NFIL3: variants seen among roughly 807,000 people sequenced by gnomAD.
The protein encoded by NFIL3 is nuclear factor, interleukin 3 regulated, also known as nuclear factor interleukin-3-regulated protein.
In NFIL3, 5 loss-of-function variants were observed where a neutral mutation model predicts 10.0. That is an observed-to-expected ratio of 0.50 (90% CI 0.26 to 1.06). The LOEUF (loss-of-function observed/expected upper bound fraction) is 1.06. Among genes scored for constraint, NFIL3 ranks in the 50% least tolerant of loss-of-function variants. The pLI is 0.13. For synonymous variants in NFIL3, 202 were observed against 206.5 expected (o/e 0.98, Z 0.19); for missense variants, 436 against 547.6 (o/e 0.80, Z 2.03).
the NFIL3 span, among the ~76,000 whole-genome samples, chr9:91,479,895 G>T: frequency 2.0e-5 from 3 of 152,150 alleles, no homozygotes; most frequent in East Asian, 5.8e-4. Context: ...GGCTTCCCTT[G>T]GTTAGGGGAG....
chr9:91,441,431 A>G, the NFIL3 span, among the ~76,000 whole-genome samples: 1 of 152,122 alleles, frequency 6.6e-6, no homozygotes, highest in Non-Finnish European at 1.5e-5. Flanking sequence ...TAGGAAGCAT[A>G]TAGTTGGATC....
At chr9:91,460,268 G>GTTTTTTTTTTTTT in the NFIL3 span, among the ~76,000 whole-genome samples, 4 of 77,092 alleles carry the variant, frequency 5.2e-5, no homozygotes, top group African/African-American at 5.4e-4. Flanking sequence ...GGAGGGCTTG[G>GTTTTTTTTTTTTT]TTCTTTTTTT....
At chr9:91,429,277 A>G in the NFIL3 span, among the ~76,000 whole-genome samples, 1 of 152,128 alleles carries the variant, frequency 6.6e-6, no homozygotes, top group Non-Finnish European at 1.5e-5. Flanking sequence ...CAAGGGGATC[A>G]TTTCACCTCT....
the NFIL3 span, among the ~76,000 whole-genome samples, chr9:91,462,877 G>T: frequency 6.6e-6 from 1 of 151,410 alleles, no homozygotes; most frequent in Non-Finnish European, 1.5e-5. Flanking sequence ...TTGCTTAATG[G>T]ACATAAAATA....
the NFIL3 span, among the ~76,000 whole-genome samples, chr9:91,456,637 G>A: frequency 6.6e-6 from 1 of 152,022 alleles, no homozygotes; most frequent in South Asian, 2.1e-4. Context: ...TTTTTTCTCA[G>A]TGTATGGCTA....
chr9:91,481,396 C>CTTAT, the NFIL3 span, among the ~76,000 whole-genome samples: 1 of 152,042 alleles, frequency 6.6e-6, no homozygotes, highest in Admixed American at 6.5e-5. Context: ...GCCGTGTAAC[C>CTTAT]TTATTTTTCA....
the NFIL3 span, among the ~76,000 whole-genome samples, chr9:91,455,251 A>T: frequency 1.3e-5 from 2 of 152,170 alleles, no homozygotes; most frequent in Non-Finnish European, 2.9e-5. Flanking sequence ...TTGCTCACCA[A>T]TTTTAGCACC....
the NFIL3 span, among the ~76,000 whole-genome samples, chr9:91,469,524 C>A: frequency 8.5e-5 from 13 of 152,268 alleles, no homozygotes; most frequent in East Asian, 2.1e-3. Context: ...CCCTTTATTT[C>A]TTTCTCCTGC....
chr9:91,474,844 C>A, the NFIL3 span, among the ~76,000 whole-genome samples: 1 of 152,168 alleles, frequency 6.6e-6, no homozygotes, highest in South Asian at 2.1e-4. Flanking sequence ...TGGCTGTTTC[C>A]CAATACAACT....
At chr9:91,436,610 CAACAACAACAAA>C in the NFIL3 span, among the ~76,000 whole-genome samples, 6 of 148,688 alleles carry the variant, frequency 4.0e-5, no homozygotes, top group African/African-American at 7.8e-5. Context: ...ACAACAACAA[CAACAACAACAAA>C]GAGTTGAAGG....
At chr9:91,454,516 G>A in the NFIL3 span, among the ~76,000 whole-genome samples, 1 of 151,974 alleles carries the variant, frequency 6.6e-6, no homozygotes, top group Non-Finnish European at 1.5e-5. Flanking sequence ...TTACCCCAAA[G>A]TGATTGTCAA....
chr9:91,420,659 G>A (rs1462998664), intron 1 of NFIL3, among the ~76,000 whole-genome samples: 3 of 152,154 alleles, frequency 2.0e-5, no homozygotes, highest in African/African-American at 7.2e-5. Context: ...AGGGTATGAT[G>A]CCAAAGAAAG....
chr9:91,445,551 G>A, the NFIL3 span, among the ~76,000 whole-genome samples: 3 of 152,248 alleles, frequency 2.0e-5, no homozygotes, highest in African/African-American at 7.2e-5. Context: ...AAGTTTCCCT[G>A]GAATATGAGG....
chr9:91,433,367 G>A, the NFIL3 span, among the ~76,000 whole-genome samples: 1 of 152,206 alleles, frequency 6.6e-6, no homozygotes, highest in Non-Finnish European at 1.5e-5. Context: ...GAAGGTTATG[G>A]TGAGGATATT....
the NFIL3 span, among the ~76,000 whole-genome samples, chr9:91,461,233 C>G: frequency 2.0e-5 from 3 of 152,296 alleles, no homozygotes; most frequent in East Asian, 5.8e-4. Context: ...CCAATTTATA[C>G]ACAGAAGAAA....
In NFIL3 at chr9:91,409,162, G is replaced by A; in HGVS notation, c.*184C>T. The A allele has an allele frequency of 1.7e-6, 1 of 580,636 alleles. No individual in the cohort carries two copies. The highest frequency in any genetic ancestry group is 2.6e-5 in the South Asian group (1 of 38,538). 36.0% of individuals were successfully genotyped at this position (580,636 alleles called of 1,614,324 possible). Reference sequence around the variant, plus strand: ...GCATGGACTATCTGACTATACACAGGCAGAGTGATAACACAATCTAATCTT... The same window carrying A: ...GCATGGACTATCTGACTATACACAGACAGAGTGATAACACAATCTAATCTT... On this transcript the variant is annotated 3_prime_UTR_variant, in exon 2 of 2. Coordinates refer to ENST00000297689, the MANE Select transcript of NFIL3 (RefSeq NM_005384.3).
At chr9:91,423,215 C>G (rs979967257) in intron 1 of NFIL3, among the ~76,000 whole-genome samples, 1 of 152,108 alleles carries the variant, frequency 6.6e-6, no homozygotes, top group African/African-American at 2.4e-5. Flanking sequence ...CCATTCCTCT[C>G]CCCCCTACGC....
the NFIL3 span, among the ~76,000 whole-genome samples, chr9:91,475,539 G>T: frequency 1.3e-5 from 2 of 152,012 alleles, no homozygotes; most frequent in Non-Finnish European, 2.9e-5. Flanking sequence ...AACCTTAAGT[G>T]AAATTATTGG....
chr9:91,460,278 T>G, the NFIL3 span, among the ~76,000 whole-genome samples: 1 of 123,688 alleles, frequency 8.1e-6, no homozygotes, highest in Non-Finnish European at 1.6e-5. Flanking sequence ...GTTCTTTTTT[T>G]TTTTTTTTTT....
Sources: gnomAD v4.1 joint callset for allele counts (sites outside exome capture counted in the v4.1 genomes callset) on GRCh38, gnomAD v4.1.1 for gene constraint, MANE v1.5 for transcripts, NCBI Gene and HGNC (gene_info 2026-07-23, HGNC 2026-07-21) for gene names.